The following FMR1NB variants were observed in gnomAD, a reference collection of about 807,000 sequenced individuals.
The protein encoded by FMR1NB is FMR1 neighbor.
A neutral mutation model predicts 16.8 loss-of-function variants in FMR1NB; 10 were observed. The observed-to-expected ratio is 0.60, with a 90% confidence interval of 0.37 to 1.01. The LOEUF (loss-of-function observed/expected upper bound fraction) is 1.01, where lower values mean the gene tolerates loss of function less well. FMR1NB is among the 50% of genes least tolerant of loss of function. The probability of loss-of-function intolerance (pLI) is 0.01; values close to 1 mark genes in which losing one functional copy is unlikely to be tolerated. For synonymous variants in FMR1NB, 83 were observed against 79.1 expected (o/e 1.05, Z -0.26); for missense variants, 205 against 204.8 (o/e 1.00, Z 0.00).
chrX:148,011,658 G>C (rs782412491), intron 4 of FMR1NB, among the ~76,000 whole-genome samples: 1 of 111,628 alleles, frequency 9.0e-6, no homozygotes, highest in Non-Finnish European at 1.9e-5. Context: ...TCATGGTAGA[G>C]GTGCCGTTTC....
chrX:148,025,160 A>T, intron 5 of FMR1NB, 147 bp downstream of exon 5: 1 of 605,419 alleles, frequency 1.7e-6, no homozygotes, highest in East Asian at 3.7e-5. Context: ...CTGAACAAAT[A>T]TTTATCACTA....
chrX:148,008,284 A>G, intron 3 of FMR1NB: 1 of 191,546 alleles, frequency 5.2e-6, no homozygotes, highest in South Asian at 1.2e-4. Context: ...TCTAGGATAT[A>G]CAACATATGG....
chrX:147,997,069 A>C (rs1361190702), intron 1 of FMR1NB, among the ~76,000 whole-genome samples: 1 of 111,529 alleles, frequency 9.0e-6, no homozygotes, highest in East Asian at 2.8e-4. Context: ...CTTGTGTGCT[A>C]GCTGGTGGGA....
Position 148,024,984 on chromosome X carries a change from A to G in FMR1NB, c.752A>G (p.Glu251Gly). Residue 251 changes from glutamate to glycine, a missense_variant, in exon 5 of 6, where the codon GAA becomes GGA. Glu to Gly is a moderately conservative substitution (Grantham distance 98). Transcript: ENST00000370467. ...CAGAAAGCAGCAAGAGGACGTGAGG[A>G]ACATGGTGACGAGTAGCAAGAGACC... is the stretch of plus-strand genomic sequence containing the variant. Reference protein sequence around the residue: ...MLQKAARGREEHGDE With the variant: ...MLQKAARGREGHGDE 8.3e-7 allele frequency: 1 copy of G among 1,210,790 alleles called. No individual in the cohort carries two copies. The highest frequency in any genetic ancestry group is 1.8e-5 in the South Asian group (1 of 56,819).
chrX:147,996,873 C>A (rs2044544749), intron 1 of FMR1NB, among the ~76,000 whole-genome samples: 1 of 112,015 alleles, frequency 8.9e-6, no homozygotes, highest in African/African-American at 3.2e-5. Flanking sequence ...ATAATTCGTT[C>A]TTTAATATTT....
chrX:148,011,478 G>A (rs1557189620), intron 4 of FMR1NB, among the ~76,000 whole-genome samples: 1 of 111,157 alleles, frequency 9.0e-6, no homozygotes, highest in African/African-American at 3.3e-5. Flanking sequence ...TAAGATATAG[G>A]CCCTACTTTT....
At chrX:147,982,765 G>T (rs1557186768) in intron 1 of FMR1NB, among the ~76,000 whole-genome samples, 2 of 102,663 alleles carry the variant, frequency 1.9e-5, no homozygotes, top group Admixed American at 1.1e-4. Context: ...GTGGTGGCAG[G>T]CGCCTGTATT....
At chrX:148,001,956 T>A (rs1268918624) in intron 1 of FMR1NB, among the ~76,000 whole-genome samples, 1 of 110,737 alleles carries the variant, frequency 9.0e-6, no homozygotes, top group Non-Finnish European at 1.9e-5. Flanking sequence ...GGAAAAATCG[T>A]ATCCCTACTC....
chrX:147,989,186 G>A (rs782305968), intron 1 of FMR1NB, among the ~76,000 whole-genome samples: 11 of 111,964 alleles, frequency 9.8e-5, no homozygotes, highest in Non-Finnish European at 1.7e-4. Flanking sequence ...GGATTTCTGT[G>A]TGGGGGTTCT....
intron 4 of FMR1NB, among the ~76,000 whole-genome samples, chrX:148,021,313 C>T (rs896315195): frequency 5.4e-5 from 6 of 110,830 alleles, no homozygotes; most frequent in Non-Finnish European, 1.1e-4. Context: ...GTCTTTCCTA[C>T]TCTCTTCAGT....
At chrX:147,993,172 C>T (rs990726261) in intron 1 of FMR1NB, among the ~76,000 whole-genome samples, 2 of 113,009 alleles carry the variant, frequency 1.8e-5, no homozygotes, top group African/African-American at 6.4e-5. Context: ...TCCGGCACCT[C>T]GGGAGGCCGA....
At chrX:147,982,284 G>A (rs1289018919) in intron 1 of FMR1NB, among the ~76,000 whole-genome samples, 3 of 71,673 alleles carry the variant, frequency 4.2e-5, no homozygotes, top group Admixed American at 1.8e-4. Context: ...GCGAGACTCC[G>A]TCTAAAAAGA....
chrX:147,988,592 A>G (rs2044488449), intron 1 of FMR1NB, among the ~76,000 whole-genome samples: 1 of 111,474 alleles, frequency 9.0e-6, no homozygotes. Context: ...TAACATCCTG[A>G]AGTGTGTTTT....
At chrX:148,019,411 C>T (rs1008992829) in intron 4 of FMR1NB, among the ~76,000 whole-genome samples, 5 of 112,045 alleles carry the variant, frequency 4.5e-5, no homozygotes, top group African/African-American at 1.6e-4. Flanking sequence ...TTTCTGGTGC[C>T]TTATTTAGTT....
chrX:147,993,066 G>A (rs1434622080), intron 1 of FMR1NB, among the ~76,000 whole-genome samples: 2 of 106,428 alleles, frequency 1.9e-5, no homozygotes, highest in African/African-American at 3.5e-5. Context: ...CAAGGCAGGC[G>A]GCTGGGAGGT....
intron 4 of FMR1NB, among the ~76,000 whole-genome samples, chrX:148,020,018 C>T (rs782428996): frequency 8.9e-6 from 1 of 112,376 alleles, no homozygotes; most frequent in Admixed American, 9.3e-5. Context: ...AGGCCCCAGG[C>T]ATGTCCAGGG....
chrX:148,005,779 C>G (rs2044593128), intron 2 of FMR1NB, among the ~76,000 whole-genome samples: 1 of 111,707 alleles, frequency 9.0e-6, no homozygotes, highest in South Asian at 3.7e-4. Flanking sequence ...CAGCAATTGC[C>G]AATCTTTAAA....
At chrX:148,015,085 C>A (rs1368758074) in intron 4 of FMR1NB, among the ~76,000 whole-genome samples, 4 of 111,611 alleles carry the variant, frequency 3.6e-5, no homozygotes, top group African/African-American at 1.3e-4. Flanking sequence ...TTTTCCATTT[C>A]TTCTAGATTT....
chrX:148,021,912 A>G (rs1306143555), intron 4 of FMR1NB, among the ~76,000 whole-genome samples: 1 of 70,899 alleles, frequency 1.4e-5, no homozygotes, highest in South Asian at 5.8e-4. Context: ...TTTTTTTTTT[A>G]TCCAGCCTGG....
Sources: allele counts gnomAD v4.1 joint callset (sites outside exome capture counted in the v4.1 genomes callset), GRCh38; gene constraint gnomAD v4.1.1; transcripts MANE v1.5; gene names NCBI Gene and HGNC (gene_info 2026-07-23, HGNC 2026-07-21).